The following AVEN variants were observed in gnomAD, a reference collection of about 807,000 sequenced individuals.
AVEN encodes cell death regulator Aven.
A neutral mutation model predicts 38.1 loss-of-function variants in AVEN; 41 were observed. The observed-to-expected ratio is 1.08, with a 90% CI of 0.84 to 1.40. The LOEUF (loss-of-function observed/expected upper bound fraction) is 1.40, where lower values mean the gene tolerates loss of function less well. Ranked by LOEUF, AVEN falls within the 40% of genes most tolerant of loss-of-function variation. The pLI is 0.00. For synonymous variants in AVEN, 206 were observed against 171.8 expected (o/e 1.20, Z -1.56); for missense variants, 605 against 438.8 (o/e 1.38, Z -3.38).
intron 2 of AVEN, chr15:33,972,082 A>G (rs1290104853): frequency 1.3e-5 from 2 of 152,170 alleles, no homozygotes; most frequent in Non-Finnish European, 2.9e-5. Context: ...CTTTTATTGC[A>G]TTTGTCACTT....
At chr15:33,985,447 G>A (rs1478793104) in intron 2 of AVEN, among the ~76,000 whole-genome samples, 4 of 151,620 alleles carry the variant, frequency 2.6e-5, no homozygotes, top group Non-Finnish European at 4.4e-5. Context: ...TTCAGTAAGA[G>A]TAAGTTCCTT....
Position 34,038,852 on chromosome 15 carries a change from G to T in AVEN, c.195C>A (p.Gly65=). The T allele has an allele frequency of 8.6e-7, 1 of 1,162,500 alleles. No homozygotes were observed. The highest frequency in any genetic ancestry group is 1.1e-6 in the Non-Finnish European group (1 of 946,864). The allele number at this position is 1,162,500 out of a possible 1,614,324, so 72.0% of individuals were successfully genotyped here. ...RGRGFRGARG[G]RGGGGAPRGS... The stretch of plus-strand genomic sequence containing the variant: ...CTCGCGGGGCGCCTCCTCCTCCTCG[G>T]CCTCCGCGAGCGCCGCGGAAGCCCC... Residue 65 remains glycine, a synonymous_variant, in exon 1 of 6, where the codon GGC becomes GGA. Transcript: ENST00000306730.
chr15:33,873,876 T>A (rs568043115), intron 3 of AVEN, among the ~76,000 whole-genome samples: 42 of 152,240 alleles, frequency 2.8e-4, no homozygotes, highest in Admixed American at 6.5e-4. Flanking sequence ...ATCTGGCCAG[T>A]GAGCACAGTT....
At chr15:34,057,352 C>T (rs1305938444) in intron 5 of AVEN, among the ~76,000 whole-genome samples, 3 of 151,152 alleles carry the variant, frequency 2.0e-5, no homozygotes, top group Non-Finnish European at 4.4e-5. Context: ...CCATGTTAGC[C>T]AGGATGGTCT....
intron 2 of AVEN, among the ~76,000 whole-genome samples, chr15:33,941,750 G>C (rs1164076685): frequency 1.3e-5 from 2 of 152,006 alleles, no homozygotes; most frequent in Non-Finnish European, 2.9e-5. Context: ...AGAACTTATG[G>C]GACAATAGTC....
At chr15:33,863,731 G>C (rs1307208171), downstream of AVEN, among the ~76,000 whole-genome samples, 2 of 152,154 alleles carry the variant, frequency 1.3e-5, no homozygotes, top group Admixed American at 1.3e-4. Flanking sequence ...ATATTCTTGA[G>C]ACACACACAT....
intron 2 of AVEN, among the ~76,000 whole-genome samples, chr15:33,954,703 A>C (rs1894893040): frequency 6.6e-6 from 1 of 151,880 alleles, no homozygotes; most frequent in African/African-American, 2.4e-5. Context: ...ACCTAATGTA[A>C]ACGACGAGTT....
intron 2 of AVEN, among the ~76,000 whole-genome samples, chr15:33,987,534 C>T (rs1422782583): frequency 6.6e-6 from 1 of 152,184 alleles, no homozygotes; most frequent in African/African-American, 2.4e-5. Flanking sequence ...CCTCTGGGAC[C>T]ATCTCTTTGC....
At chr15:33,961,670 G>C (rs528537665) in intron 2 of AVEN, among the ~76,000 whole-genome samples, 1 of 151,478 alleles carries the variant, frequency 6.6e-6, no homozygotes, top group South Asian at 2.1e-4. Flanking sequence ...AAAATTAGCC[G>C]GGCGTGGTGG....
At chr15:33,994,545 C>T (rs191511712) in intron 2 of AVEN, among the ~76,000 whole-genome samples, 2 of 152,334 alleles carry the variant, frequency 1.3e-5, no homozygotes, top group Admixed American at 1.3e-4. Flanking sequence ...TTCCACAAAA[C>T]CGGTCCCTGG....
At chr15:33,877,156 G>A (rs1339010317) in intron 2 of AVEN, among the ~76,000 whole-genome samples, 1 of 152,024 alleles carries the variant, frequency 6.6e-6, no homozygotes, top group Non-Finnish European at 1.5e-5. Flanking sequence ...GCCAAACAGA[G>A]AAACTGAGGA....
At chr15:34,051,821 G>C (rs1205301069) in intron 5 of AVEN, among the ~76,000 whole-genome samples, 1 of 151,550 alleles carries the variant, frequency 6.6e-6, no homozygotes, top group Non-Finnish European at 1.5e-5. Context: ...GACCAATAAT[G>C]AGTTCTGAAA....
intron 2 of AVEN, among the ~76,000 whole-genome samples, chr15:33,940,156 G>A (rs1303945509): frequency 6.6e-6 from 1 of 152,192 alleles, no homozygotes; most frequent in Non-Finnish European, 1.5e-5. Flanking sequence ...CCCAGTTTAA[G>A]TATTTTGTTA....
intron 2 of AVEN, among the ~76,000 whole-genome samples, chr15:33,952,873 ACACTT>A (rs1402364579): frequency 6.6e-6 from 1 of 151,942 alleles, no homozygotes; most frequent in Non-Finnish European, 1.5e-5. Context: ...AAAAAAAAAA[ACACTT>A]CATTTCAACA....
intron 2 of AVEN, among the ~76,000 whole-genome samples, chr15:33,949,126 C>T (rs570190579): frequency 3.9e-5 from 6 of 152,018 alleles, no homozygotes; most frequent in East Asian, 1.9e-4. Flanking sequence ...CAGGTTCAGG[C>T]GATTCTCCTG....
At chr15:33,955,019 G>T (rs926971319) in intron 2 of AVEN, among the ~76,000 whole-genome samples, 2 of 152,136 alleles carry the variant, frequency 1.3e-5, no homozygotes, top group African/African-American at 4.8e-5. Flanking sequence ...ATCTGTACAA[G>T]AATTCAATAT....
At chr15:33,995,842 G>A (rs796577919) in intron 2 of AVEN, among the ~76,000 whole-genome samples, 15 of 152,344 alleles carry the variant, frequency 9.8e-5, no homozygotes, top group African/African-American at 3.6e-4. Flanking sequence ...GACAGTGGGT[G>A]CAGGCCACGG....
intron 2 of AVEN, among the ~76,000 whole-genome samples, chr15:33,963,674 A>G (rs1267313264): frequency 2.0e-5 from 3 of 151,836 alleles, no homozygotes; most frequent in Non-Finnish European, 4.4e-5. Context: ...GTGGGCGCCT[A>G]TAATCCCAGC....
chr15:33,857,869 C>T (rs777658408), downstream of AVEN: 58 of 1,614,208 alleles, frequency 3.6e-5, no homozygotes, highest in Non-Finnish European at 4.5e-5. Context: ...ACAACAAAAG[C>T]GAAGACGATG....
Sources: gnomAD v4.1 joint callset for allele counts (sites outside exome capture counted in the v4.1 genomes callset) on GRCh38, gnomAD v4.1.1 for gene constraint, MANE v1.5 for transcripts, NCBI Gene and HGNC (gene_info 2026-07-23, HGNC 2026-07-21) for gene names.